Variants in ELAVL4 observed in about 807,000 individuals in gnomAD.
ELAVL4 encodes ELAV-like protein 4.
Under a neutral mutation model 35.6 loss-of-function variants are expected in ELAVL4, and 1 was observed. The ratio of observed to expected loss-of-function variants is 0.03; its 90% confidence interval spans 0.01 to 0.13. ELAVL4 has a LOEUF of 0.13. Ranked by LOEUF, ELAVL4 falls within the 10% of genes least tolerant of loss-of-function variation. The pLI is 1.00. For synonymous variants in ELAVL4, 156 were observed against 171.0 expected, an observed-to-expected ratio of 0.91 and a Z score of 0.69; for missense variants, 267 against 464.9, an observed-to-expected ratio of 0.57 and a Z score of 3.91.
intron 1 of ELAVL4, among the ~76,000 whole-genome samples, chr1:50,139,361 A>T: frequency 6.6e-6 from 1 of 152,206 alleles, no homozygotes; most frequent in East Asian, 1.9e-4. Context: ...GTAAAGTGCT[A>T]TACTCAGAAA....
At chr1:50,144,627 A>G in intron 1 of ELAVL4, 1 of 499,514 alleles carries the variant, frequency 2.0e-6, no homozygotes, top group South Asian at 1.6e-5. Context: ...TTACATTTTA[A>G]TTATAATTTG....
At chr1:50,200,732 A>C (rs1020363442) in intron 6 of ELAVL4, 119 bp from the exon 7 acceptor site, 7 of 1,514,892 alleles carry the variant, frequency 4.6e-6, no homozygotes, top group Admixed American at 2.3e-5. Flanking sequence ...TTGAACCCTG[A>C]AGACTCTCCT....
At chr1:50,101,271 G>A (rs888857988), upstream of ELAVL4, among the ~76,000 whole-genome samples, 2 of 152,114 alleles carry the variant, frequency 1.3e-5, no homozygotes, top group Non-Finnish European at 2.9e-5. Context: ...TATGTAAGGG[G>A]TTTTTTCAGG....
At chr1:50,075,987 C>T (rs1340312676) in intron 1 of ELAVL4, among the ~76,000 whole-genome samples, 3 of 152,032 alleles carry the variant, frequency 2.0e-5, no homozygotes, top group Non-Finnish European at 4.4e-5. Flanking sequence ...ACCACCACAC[C>T]CAGCTATTTT....
chr1:50,055,199 T>C (rs879311899), intron 1 of ELAVL4, among the ~76,000 whole-genome samples: 1 of 152,172 alleles, frequency 6.6e-6, no homozygotes, highest in East Asian at 1.9e-4. Context: ...TGCCCAATAA[T>C]AGATATCCAG....
intron 1 of ELAVL4, chr1:50,048,300 A>G: frequency 1.6e-6 from 2 of 1,280,938 alleles, no homozygotes; most frequent in Non-Finnish European, 2.0e-6. Flanking sequence ...GGCCACCCCG[A>G]CTCCCAGGGA....
At chr1:50,161,583 A>C (rs1282050182) in intron 2 of ELAVL4, among the ~76,000 whole-genome samples, 4 of 152,184 alleles carry the variant, frequency 2.6e-5, no homozygotes, top group Non-Finnish European at 4.4e-5. Context: ...AGATTAGTTC[A>C]GTTTTTCGTT....
intron 1 of ELAVL4, among the ~76,000 whole-genome samples, chr1:50,075,714 G>C (rs925812085): frequency 3.9e-5 from 6 of 152,132 alleles, no homozygotes; most frequent in African/African-American, 1.4e-4. Context: ...ACATTCAGGA[G>C]CCCCTCGACT....
chr1:50,104,368 A>G (rs916524678), upstream of ELAVL4, among the ~76,000 whole-genome samples: 10 of 152,246 alleles, frequency 6.6e-5, no homozygotes, highest in African/African-American at 1.7e-4. Context: ...TTTAAGACAT[A>G]TGGTGAGTGT....
At chr1:50,197,544 T>C (rs1481168088) in intron 6 of ELAVL4, 77 bp downstream of exon 6, 3 of 1,289,396 alleles carry the variant, frequency 2.3e-6, no homozygotes, top group Non-Finnish European at 3.1e-6. Flanking sequence ...TTTAATTCAC[T>C]AACTTTACTT....
At chr1:50,193,619 A>G in intron 3 of ELAVL4, 146 bp from the exon 4 acceptor site, 1 of 896,426 alleles carries the variant, frequency 1.1e-6, no homozygotes, top group South Asian at 1.9e-5. Flanking sequence ...TTACAAGGGT[A>G]GCTAAAAATC....
intron 1 of ELAVL4, among the ~76,000 whole-genome samples, chr1:50,141,490 A>T (rs1004875293): frequency 6.6e-6 from 1 of 152,154 alleles, no homozygotes; most frequent in African/African-American, 2.4e-5. Flanking sequence ...CAGTGAGACA[A>T]CACAGCAAAT....
At chr1:50,131,926 A>G (rs1463093516) in intron 1 of ELAVL4, among the ~76,000 whole-genome samples, 1 of 151,674 alleles carries the variant, frequency 6.6e-6, no homozygotes, top group East Asian at 1.9e-4. Flanking sequence ...GTGAGGTCCC[A>G]TGCTCTTTAC....
At chr1:50,062,662 A>C (rs1664052943) in intron 1 of ELAVL4, among the ~76,000 whole-genome samples, 1 of 152,128 alleles carries the variant, frequency 6.6e-6, no homozygotes, top group Non-Finnish European at 1.5e-5. Flanking sequence ...TAGAAAAGAG[A>C]TTTGAAATAG....
intron 1 of ELAVL4, among the ~76,000 whole-genome samples, chr1:50,076,136 G>A (rs79098387): frequency 0.017 from 2,545 of 152,196 alleles, 76 homozygotes; most frequent in African/African-American, 0.058. Flanking sequence ...GCCAACTTAT[G>A]GTATTTTCAA....
intron 1 of ELAVL4, among the ~76,000 whole-genome samples, chr1:50,118,502 A>G (rs999366994): frequency 2.6e-5 from 3 of 116,460 alleles, no homozygotes; most frequent in Non-Finnish European, 5.1e-5. Context: ...AGGAAAAAAA[A>G]AGAGAGAGAG....
intron 1 of ELAVL4, among the ~76,000 whole-genome samples, chr1:50,095,993 A>G (rs1017728597): frequency 3.3e-5 from 5 of 152,192 alleles, no homozygotes; most frequent in Admixed American, 6.5e-5. Flanking sequence ...GAGCTTTCTC[A>G]CAACAGAAAA....
intron 1 of ELAVL4, among the ~76,000 whole-genome samples, chr1:50,116,404 G>A (rs967564452): frequency 8.6e-6 from 1 of 116,808 alleles, no homozygotes; most frequent in Non-Finnish European, 1.7e-5. Context: ...TGGTGTGTGT[G>A]TGTGTGTGCG....
intron 3 of ELAVL4, among the ~76,000 whole-genome samples, chr1:50,177,655 G>A (rs1180971749): frequency 6.6e-6 from 1 of 152,158 alleles, no homozygotes; most frequent in African/African-American, 2.4e-5. Context: ...GAGGTGGCAG[G>A]GCCAAATCAG....
Sources: gnomAD v4.1 joint callset for allele counts (sites outside exome capture counted in the v4.1 genomes callset) on GRCh38, gnomAD v4.1.1 for gene constraint, MANE v1.5 for transcripts, NCBI Gene and HGNC (gene_info 2026-07-23, HGNC 2026-07-21) for gene names.